ATG13: variants seen among roughly 807,000 people sequenced by gnomAD.
The protein encoded by ATG13 is autophagy related 13, also known as autophagy-related protein 13.
ATG13 carries 23 observed loss-of-function variants against 65.5 expected under a neutral mutation model. That is an observed-to-expected ratio of 0.35 (90% CI 0.25 to 0.50). The LOEUF is 0.50. Ranked by LOEUF, ATG13 falls within the 20% of genes least tolerant of loss-of-function variation. ATG13 has a pLI of 0.98. For missense variants in ATG13, 566 were observed against 677.0 expected (o/e 0.84, Z 1.82); for synonymous variants, 252 against 245.2 (o/e 1.03, Z -0.26).
Position 46,668,807 on chromosome 11 carries a change from A to G in ATG13, c.1343A>G (p.Asp448Gly). ...EDTDPMVNPPDSPETESPLQG... is the reference protein window; with the variant it reads ...EDTDPMVNPPGSPETESPLQG... ...GCTATGAAACAGGTGAATCCTCCAGATTCCCCAGAGACTGAATCTCCTCTC... is the reference window on the plus strand; with the variant it reads ...GCTATGAAACAGGTGAATCCTCCAGGTTCCCCAGAGACTGAATCTCCTCTC... The change falls in exon 17 of 19, where the codon GAT becomes GGT. Residue 448 changes from aspartate to glycine, a missense_variant. Coordinates refer to ENST00000683050, the MANE Select transcript of ATG13 (RefSeq NM_001346311.2). The G allele has an allele frequency of 1.9e-6, 3 of 1,613,550 alleles. No individual in the cohort carries two copies. The highest frequency in any genetic ancestry group is 2.5e-6 in the Non-Finnish European group (3 of 1,179,904).
intron 11 of ATG13, among the ~76,000 whole-genome samples, chr11:46,662,243 T>C (rs2061367574): frequency 6.6e-6 from 1 of 152,236 alleles, no homozygotes. Flanking sequence ...TTTTATAAGC[T>C]CATCCCAGCT....
At chr11:46,643,160 G>T (rs1222753546) in intron 2 of ATG13, among the ~76,000 whole-genome samples, 4 of 152,138 alleles carry the variant, frequency 2.6e-5, no homozygotes, top group African/African-American at 9.7e-5. Flanking sequence ...AAAACCAGAG[G>T]TCTCTCAGAC....
At chr11:46,665,016 G>A (rs1479723787) in intron 13 of ATG13, 57 bp downstream of exon 13, 3 of 1,489,060 alleles carry the variant, frequency 2.0e-6, no homozygotes, top group African/African-American at 2.8e-5. Flanking sequence ...CCTGCCCGGA[G>A]GCAATTGAGG....
intron 2 of ATG13, among the ~76,000 whole-genome samples, chr11:46,643,929 T>A (rs1365301632): frequency 2.0e-5 from 3 of 152,224 alleles, no homozygotes; most frequent in Non-Finnish European, 4.4e-5. Flanking sequence ...GAATATAAAT[T>A]AACTAATGTG....
At chr11:46,633,022 ATATATT>A (rs1457266263) in intron 2 of ATG13, among the ~76,000 whole-genome samples, 1 of 100,636 alleles carries the variant, frequency 9.9e-6, no homozygotes, top group Non-Finnish European at 1.8e-5. Context: ...ATATATATAT[ATATATT>A]TTTTTTTTTT....
intron 4 of ATG13, among the ~76,000 whole-genome samples, 182 bp downstream of exon 4, chr11:46,645,601 G>A (rs1360207122): frequency 2.0e-5 from 3 of 151,968 alleles, no homozygotes; most frequent in African/African-American, 7.3e-5. Flanking sequence ...GAATTTATTT[G>A]GTTCTTAACT....
intron 11 of ATG13, chr11:46,659,727 T>C (rs565496597): frequency 3.3e-5 from 12 of 366,006 alleles, no homozygotes; most frequent in Non-Finnish European, 5.4e-5. Context: ...TAAAATTCCC[T>C]AGAACATCAG....
chr11:46,644,750 T>G (rs1299065903), intron 3 of ATG13, among the ~76,000 whole-genome samples: 1 of 152,158 alleles, frequency 6.6e-6, no homozygotes, highest in African/African-American at 2.4e-5. Context: ...GTTCAACTTT[T>G]ATATATTCTT....
intron 1 of ATG13, among the ~76,000 whole-genome samples, chr11:46,622,745 C>G (rs2048162945): frequency 1.3e-5 from 2 of 152,122 alleles, no homozygotes; most frequent in South Asian, 4.1e-4. Context: ...TTTTTCATAT[C>G]CAAAACTTGT....
intron 18 of ATG13, among the ~76,000 whole-genome samples, chr11:46,671,166 C>T (rs2063633967): frequency 6.6e-6 from 1 of 152,204 alleles, no homozygotes; most frequent in Non-Finnish European, 1.5e-5. Flanking sequence ...CCCAAACCAC[C>T]CTCAGCTGTT....
chr11:46,657,698 CT>C, intron 10 of ATG13, 76 bp downstream of exon 10: 2 of 1,311,212 alleles, frequency 1.5e-6, no homozygotes, highest in African/African-American at 1.5e-5. Flanking sequence ...ACATGGAACA[CT>C]TTTCTCAGCA....
At chr11:46,669,232 A>G (rs1387959475) in intron 17 of ATG13, among the ~76,000 whole-genome samples, 172 bp from the exon 18 acceptor site, 4 of 152,220 alleles carry the variant, frequency 2.6e-5, no homozygotes, top group Admixed American at 1.3e-4. Flanking sequence ...GGAGAGGAAT[A>G]TTATCACCAG....
At position 46,657,525 on chromosome 11, in the gene ATG13, C is replaced by A; in HGVS notation, c.598C>A (p.Gln200Lys). 6.2e-7 allele frequency: 1 copy of A among 1,613,340 alleles called. No homozygotes were observed. Among genetic ancestry groups the A allele is most frequent in the South Asian group, 1.1e-5 (1 of 91,072 alleles). The change falls in exon 10 of 19, where the codon CAA (glutamine) becomes AAA (lysine). Residue 200 changes from glutamine (Q) to lysine (K), a missense_variant and splice_region_variant. By Grantham distance (53) the Gln-to-Lys change is moderately conservative (BLOSUM62 1). Coordinates refer to ENST00000683050, the MANE Select transcript of ATG13 (RefSeq NM_001346311.2). ...RINLAFMSTR[Q>K]FERTPPIMGI... is the part of the protein sequence containing the mutation. ...TGGAATCTGCTTATTGTATTACAGG[C>A]AATTTGAGAGGACCCCACCTATCAT...
At chr11:46,632,752 G>C (rs1442615011) in intron 2 of ATG13, among the ~76,000 whole-genome samples, 1 of 152,050 alleles carries the variant, frequency 6.6e-6, no homozygotes, top group Non-Finnish European at 1.5e-5. Context: ...GAAGTTTATA[G>C]TGTGGGGTGA....
intron 2 of ATG13, among the ~76,000 whole-genome samples, chr11:46,643,556 C>G (rs1215284380): frequency 6.6e-6 from 1 of 151,448 alleles, no homozygotes; most frequent in East Asian, 1.9e-4. Flanking sequence ...ATGCTCGTCT[C>G]TCTCTAAATG....
chr11:46,672,722 C>T lies in ATG13; in HGVS notation c.*390C>T. Reference sequence around the variant, plus strand: ...CTTCCCTGCCTGCTGTCACCATCCACTGTTTGACATTCCAGCTGGTGGCCA... The same window carrying T: ...CTTCCCTGCCTGCTGTCACCATCCATTGTTTGACATTCCAGCTGGTGGCCA... On this transcript the variant is annotated 3_prime_UTR_variant, in exon 19 of 19. Transcript: ENST00000683050. 7.4e-7 allele frequency: 1 copy of T among 1,357,624 alleles called. No homozygotes were observed. Among genetic ancestry groups the T allele is most frequent in the Non-Finnish European group, 9.7e-7 (1 of 1,027,126 alleles). The allele number at this position is 1,357,624 out of a possible 1,614,324, so 84.1% of individuals were successfully genotyped here.
chr11:46,667,967 G>A, intron 15 of ATG13, 80 bp downstream of exon 15: 8 of 1,105,950 alleles, frequency 7.2e-6, no homozygotes, highest in Non-Finnish European at 1.1e-5. Context: ...CTTAACCTGA[G>A]ATATTAATAT....
intron 1 of ATG13, among the ~76,000 whole-genome samples, chr11:46,622,198 A>G (rs993483288): frequency 2.8e-5 from 4 of 144,778 alleles, no homozygotes; most frequent in Admixed American, 7.2e-5. Flanking sequence ...GCTCACTGCA[A>G]CCTCCACCTC....
chr11:46,643,651 A>G (rs948726222), intron 2 of ATG13, among the ~76,000 whole-genome samples: 7 of 141,622 alleles, frequency 4.9e-5, no homozygotes, highest in South Asian at 2.2e-4. Context: ...GGGTCTCACC[A>G]TGTTGATCTT....
Sources: gnomAD v4.1 joint callset for allele counts (sites outside exome capture counted in the v4.1 genomes callset) on GRCh38, gnomAD v4.1.1 for gene constraint, MANE v1.5 for transcripts, NCBI Gene and HGNC (gene_info 2026-07-23, HGNC 2026-07-21) for gene names.